Variants in ABCA8 observed in about 807,000 individuals in gnomAD.
ABCA8 encodes the protein ATP binding cassette subfamily A member 8.
A neutral mutation model predicts 192.3 loss-of-function variants in ABCA8; 177 were observed. The ratio of observed to expected loss-of-function variants is 0.92; its 90% CI spans 0.81 to 1.04. The LOEUF is 1.04. Ranked by LOEUF, ABCA8 falls within the 50% of genes least tolerant of loss-of-function variation. The pLI, the probability that ABCA8 is intolerant of heterozygous loss-of-function variation, is 0.00. For missense variants in ABCA8, 1,915 were observed against 1,904.8 expected (o/e 1.01, Z -0.10); for synonymous variants, 642 against 690.2 (o/e 0.93, Z 1.09).
chr17:68,927,568 A>G (rs1426084587), intron 10 of ABCA8, among the ~76,000 whole-genome samples: 1 of 152,172 alleles, frequency 6.6e-6, no homozygotes, highest in Non-Finnish European at 1.5e-5. Flanking sequence ...GCTCAGAACC[A>G]TCGAGCTAAA....
At chr17:68,941,356 T>C (rs956048921) in intron 3 of ABCA8, among the ~76,000 whole-genome samples, 17 of 152,118 alleles carry the variant, frequency 1.1e-4, no homozygotes, top group African/African-American at 3.4e-4. Flanking sequence ...AACTTTACGA[T>C]GTATGTATAG....
At chr17:68,934,878 T>A (rs1437546975) in intron 5 of ABCA8, among the ~76,000 whole-genome samples, 1 of 152,178 alleles carries the variant, frequency 6.6e-6, no homozygotes, top group Non-Finnish European at 1.5e-5. Flanking sequence ...TAACATGTGG[T>A]TTCAACACGC....
At chr17:68,894,363 T>C in intron 22 of ABCA8, 53 bp from the exon 23 acceptor site, 1 of 1,489,670 alleles carries the variant, frequency 6.7e-7, no homozygotes, top group South Asian at 1.3e-5. Flanking sequence ...TTTTGTTCTC[T>C]AAAAAAGTCA....
At chr17:68,898,006 C>T (rs151282467) in intron 21 of ABCA8, among the ~76,000 whole-genome samples, 2 of 152,274 alleles carry the variant, frequency 1.3e-5, no homozygotes, top group East Asian at 3.9e-4. Flanking sequence ...GTTCAACCAA[C>T]TCCACGTGGG....
intron 19 of ABCA8, among the ~76,000 whole-genome samples, chr17:68,904,092 AT>A (rs2066989848): frequency 6.6e-6 from 1 of 152,032 alleles, no homozygotes; most frequent in South Asian, 2.1e-4. Flanking sequence ...GAATGAAGAT[AT>A]AAGGATCTTA....
chr17:68,944,951 G>GC (rs2068357346), intron 2 of ABCA8: 1 of 152,330 alleles, frequency 6.6e-6, no homozygotes, highest in African/African-American at 2.4e-5. Flanking sequence ...TGTTGAGGAA[G>GC]CCCCATCTCA....
At position 68,907,840 on chromosome 17, in the gene ABCA8, T is replaced by C. The variant is rs1280465675; in HGVS notation, c.2178A>G (p.Thr726=). 6.2e-7 allele frequency: 1 copy of C among 1,604,770 alleles called. No homozygotes were observed. Among genetic ancestry groups the C allele is most frequent in the East Asian group, 2.2e-5 (1 of 44,750 alleles). The change falls in exon 18 of 40, where the codon ACA becomes ACG. Residue 726 remains threonine (T), a synonymous_variant. Coordinates refer to ENST00000586539, the MANE Select transcript of ABCA8 (RefSeq NM_001288985.2). ...LNEICVEENI[T]SLVKQHIPDA... ...CAGGGATGTGCTGTTTAACAAGTGA[T>C]GTTATGTTTTCCTCAACACATATTT...
chr17:68,893,760 G>GTTTTTTTTTTTTTTTTT (rs2066676049), intron 23 of ABCA8, among the ~76,000 whole-genome samples: 1 of 114,632 alleles, frequency 8.7e-6, no homozygotes. Context: ...TTATACTTTA[G>GTTTTTTTTTTTTTTTTT]GTTTTAGGGT....
At chr17:68,948,086 C>A (rs1166490411) in intron 2 of ABCA8, among the ~76,000 whole-genome samples, 1 of 152,170 alleles carries the variant, frequency 6.6e-6, no homozygotes, top group Non-Finnish European at 1.5e-5. Flanking sequence ...CATTCTTTTT[C>A]ATGGCTGCAT....
chr17:68,891,237 G>C (rs547469482), intron 24 of ABCA8, among the ~76,000 whole-genome samples: 26 of 151,530 alleles, frequency 1.7e-4, no homozygotes, highest in Non-Finnish European at 3.4e-4. Flanking sequence ...TTCCAGCTTT[G>C]CTTTTTTTTT....
At chr17:68,902,642 T>C (rs2066943318) in intron 21 of ABCA8, 71 bp downstream of exon 21, 3 of 1,278,588 alleles carry the variant, frequency 2.3e-6, no homozygotes, top group Admixed American at 2.4e-5. Flanking sequence ...ATTTTCTTTC[T>C]CATGGTTATG....
chr17:68,881,833 A>G, intron 31 of ABCA8, 30 bp downstream of exon 31: 2 of 1,545,428 alleles, frequency 1.3e-6, no homozygotes, highest in Non-Finnish European at 1.8e-6. Flanking sequence ...GAGGGCTCTG[A>G]GCCAGAAGTG....
Position 68,929,619 on chromosome 17 carries a change from A to G in ABCA8, c.881T>C (p.Ile294Thr). 1 of 1,613,878 alleles carries G rather than the reference A, an allele frequency of 6.2e-7. No homozygotes were observed. The highest frequency in any genetic ancestry group is 1.3e-5 in the African/African-American group (1 of 75,036). ...GACTACCATGAAGCCAGACAAAATGATAAACTGGGTAGATCTTATAACAAG... is the reference window on the plus strand; with the variant it reads ...GACTACCATGAAGCCAGACAAAATGGTAAACTGGGTAGATCTTATAACAAG... The part of the protein sequence containing the change: ...LALVIRSTQF[I>T]ILSGFMVVFS... The change falls in exon 8 of 40, where the codon ATC becomes ACC. Residue 294 changes from isoleucine (I) to threonine (T), a missense_variant. By Grantham distance (89) the Ile-to-Thr change is moderately conservative. Coordinates refer to ENST00000586539, the MANE Select transcript of ABCA8 (RefSeq NM_001288985.2).
chr17:68,887,435 C>A lies in ABCA8; in HGVS notation c.3216G>T (p.Val1072=), dbSNP rs770848754. 2 of 1,613,796 alleles carry A rather than the reference C, an allele frequency of 1.2e-6. No homozygotes were observed. Among genetic ancestry groups the A allele is most frequent in the South Asian group, 2.2e-5 (2 of 91,000 alleles). Residue 1072 remains valine, a synonymous_variant, in exon 25 of 40, where the codon GTG becomes GTT. Transcript: ENST00000586539. ...AGACCAAGAAGTACAGGGAAACATC[C>A]ACCAGCGCCTGCCCAAACCAGTAAG... ...PSAYWFGQAL[V]DVSLYFLVFV... is the part of the protein sequence containing the mutation.
chr17:68,909,054 C>CA (rs2067167553), intron 17 of ABCA8, among the ~76,000 whole-genome samples: 1 of 151,992 alleles, frequency 6.6e-6, no homozygotes, highest in South Asian at 2.1e-4. Context: ...AAGAGTGAAG[C>CA]AAAAAATGTC....
chr17:68,908,369 A>G (rs567961145), intron 17 of ABCA8, among the ~76,000 whole-genome samples: 5 of 152,232 alleles, frequency 3.3e-5, no homozygotes, highest in Non-Finnish European at 5.9e-5. Context: ...TAGTCATCCA[A>G]TGCAAATTTA....
intron 37 of ABCA8, among the ~76,000 whole-genome samples, chr17:68,873,531 T>G (rs1483470575): frequency 6.6e-6 from 1 of 152,228 alleles, no homozygotes; most frequent in African/African-American, 2.4e-5. Flanking sequence ...TTTCTTTTGC[T>G]GTGTGGAAGC....
rs140838977 is a variant in ABCA8, at chr17:68,908,841, G to C, written c.2139-962C>G. ...ACTTATCTAAACAGTTACTTTATTA[G>C]AAAACTGGAATAATGATTCCCAGCC... On this transcript the variant is annotated intron_variant, in intron 17 of 39. Transcript: ENST00000586539. 2.0e-5 allele frequency among the ~76,000 whole-genome samples: 3 copies of C among 152,210 alleles called. No homozygotes were observed. The East Asian group carries it at 5.8e-4, about 29-fold the overall frequency.
rs1475790396 is a variant in ABCA8, at chr17:68,903,451, T to C, written c.2447A>G (p.Glu816Gly). ...GACTTGTTCCATCTCAACAAGCCTT[T>C]CAGTGTCGTCAGCTTTTTCCGCTTG... ...EVQAEKADDTERLVEMEQVLS... is the reference protein window; with the variant it reads ...EVQAEKADDTGRLVEMEQVLS... The change falls in exon 20 of 40, where the codon GAA becomes GGA. Residue 816 changes from glutamate (E) to glycine (G), a missense_variant. Glu to Gly is a moderately conservative substitution (Grantham distance 98). Transcript: ENST00000586539. The C allele has an allele frequency of 6.2e-7, 1 of 1,614,174 alleles. No homozygotes were observed. Among genetic ancestry groups the C allele is most frequent in the Middle Eastern group, 1.6e-4 (1 of 6,062 alleles).
Sources: allele counts gnomAD v4.1 joint callset (sites outside exome capture counted in the v4.1 genomes callset), GRCh38; gene constraint gnomAD v4.1.1; transcripts MANE v1.5; gene names NCBI Gene and HGNC (gene_info 2026-07-23, HGNC 2026-07-21).